Variants in CRYBG3 observed in about 807,000 individuals in gnomAD.
The protein encoded by CRYBG3 is crystallin beta-gamma domain containing 3, also known as very large A-kinase anchor protein.
Under a neutral mutation model 244.2 loss-of-function variants are expected in CRYBG3, and 127 were observed. The ratio of observed to expected loss-of-function variants is 0.52; its 90% confidence interval spans 0.45 to 0.60. The LOEUF (loss-of-function observed/expected upper bound fraction) is 0.60. Among genes scored for constraint, CRYBG3 ranks in the 20% least tolerant of loss-of-function variants. CRYBG3 has a pLI of 0.00. For missense variants in CRYBG3, 3,325 were observed against 3,442.5 expected, an observed-to-expected ratio of 0.97 and a Z score of 0.85; for synonymous variants, 1,132 against 1,195.8, an observed-to-expected ratio of 0.95 and a Z score of 1.10.
Position 97,864,401 on chromosome 3 carries a change from A to G in CRYBG3, c.401A>G (p.Lys134Arg), listed in dbSNP as rs2039194986. 3.9e-6 allele frequency: 6 copies of G among 1,535,948 alleles called. No individual in the cohort carries two copies. The highest frequency in any genetic ancestry group is 5.2e-6 in the Non-Finnish European group (6 of 1,146,782). ...FLGNLFNISG[K>R]SSLGEAKQSS... ...GGTAACTTATTCAATATCTCGGGGA[A>G]ATCATCTCTAGGTGAAGCTAAGCAG... Residue 134 changes from lysine to arginine, a missense_variant, in exon 3 of 22, where the codon AAA (lysine) becomes AGA (arginine). Coordinates refer to ENST00000389622, the MANE Select transcript of CRYBG3 (RefSeq NM_153605.4).
chr3:97,845,111 C>T (rs949177001), intron 2 of CRYBG3, among the ~76,000 whole-genome samples: 13 of 152,138 alleles, frequency 8.5e-5, no homozygotes, highest in African/African-American at 3.1e-4. Flanking sequence ...GGCATCATAA[C>T]AAATATGTAT....
At chr3:97,826,273 C>T (rs1474972934) in intron 1 of CRYBG3, among the ~76,000 whole-genome samples, 1 of 152,124 alleles carries the variant, frequency 6.6e-6, no homozygotes, top group Non-Finnish European at 1.5e-5. Flanking sequence ...CTATTTTTTG[C>T]TGTGAACATT....
At chr3:97,844,344 A>G (rs1466967121) in intron 2 of CRYBG3, among the ~76,000 whole-genome samples, 13 of 152,108 alleles carry the variant, frequency 8.5e-5, no homozygotes, top group Non-Finnish European at 1.9e-4. Context: ...TATGGGCTCT[A>G]TAGCTGCTGC....
chr3:97,897,137 G>A lies in CRYBG3; in HGVS notation c.7701+1052G>A, dbSNP rs1452457878. Among the ~76,000 whole-genome samples the A allele has an allele frequency of 5.3e-5, 8 of 151,426 alleles. No individual in the cohort carries two copies. The East Asian group carries it at 5.8e-4, about 11-fold the overall frequency. On this transcript the variant is annotated intron_variant, in intron 12 of 21. Coordinates refer to ENST00000389622, the MANE Select transcript of CRYBG3 (RefSeq NM_153605.4). ...TTAATTTTATATTTGCTTTTGTTGC[G>A]ATTTTCAGACTTTACGCCTCTTTTC...
At chr3:97,868,684 G>A (rs1257531648) in intron 3 of CRYBG3, among the ~76,000 whole-genome samples, 7 of 152,100 alleles carry the variant, frequency 4.6e-5, no homozygotes, top group Non-Finnish European at 8.8e-5. Flanking sequence ...TGCCTACCCT[G>A]CAAAGGACCC....
intron 1 of CRYBG3, chr3:97,836,842 T>C (rs1325995262): frequency 6.6e-6 from 1 of 152,164 alleles, no homozygotes; most frequent in East Asian, 1.9e-4. Flanking sequence ...ATACTAGTTT[T>C]GGTCTAAGTT....
At position 97,864,554 on chromosome 3, in the gene CRYBG3, CAGA is replaced by C. The variant is rs1345527957; in HGVS notation, c.559_561del (p.Glu187del). 6.5e-7 allele frequency: 1 copy of C among 1,535,846 alleles called. No homozygotes were observed. The highest frequency in any genetic ancestry group is 8.7e-7 in the Non-Finnish European group (1 of 1,146,716). On this transcript the variant is annotated inframe_deletion, in exon 3 of 22. Transcript: ENST00000389622. The stretch of plus-strand genomic sequence containing the variant: ...TCCCTAAGAACCCAGACACATCCAA[CAGA>C]AGAACAAGACTCTAACTCATCCGAA...
At chr3:97,837,718 G>T (rs1049559648) in intron 1 of CRYBG3, among the ~76,000 whole-genome samples, 24 of 152,122 alleles carry the variant, frequency 1.6e-4, no homozygotes, top group African/African-American at 5.6e-4. Context: ...ATATTTGGGG[G>T]TACTCTGAAT....
At chr3:97,907,616 G>A (rs1258230616) in intron 15 of CRYBG3, among the ~76,000 whole-genome samples, 8 of 145,944 alleles carry the variant, frequency 5.5e-5, no homozygotes, top group Non-Finnish European at 7.6e-5. Flanking sequence ...TTTTTATTGC[G>A]TCTATTTGAT....
intron 2 of CRYBG3, among the ~76,000 whole-genome samples, chr3:97,858,537 T>A (rs1028160121): frequency 6.6e-6 from 1 of 152,074 alleles, no homozygotes; most frequent in Non-Finnish European, 1.5e-5. Flanking sequence ...TATTTTCTGA[T>A]TGGATCATTT....
Position 97,830,639 on chromosome 3 carries a change from T to G in CRYBG3, c.149+8284T>G, listed in dbSNP as rs576548338. On this transcript the variant is annotated intron_variant, in intron 1 of 21. Transcript: ENST00000389622. ...ACTTGCACTCAGATTTCTGAAGACA[T>G]TTCTCTATTAGTCTTCTCTTTAATT... Among the ~76,000 whole-genome samples the G allele has an allele frequency of 5.9e-5, 9 of 152,342 alleles. No homozygotes were observed. In the South Asian group the frequency reaches 1.9e-3, roughly 32 times the overall value.
intron 10 of CRYBG3, 126 bp from the exon 11 acceptor site, chr3:97,892,734 T>C (rs2039594713): frequency 1.9e-6 from 1 of 535,476 alleles, no homozygotes; most frequent in South Asian, 4.0e-5. Context: ...CCATGAACTT[T>C]TTGAAATCTC....
At chr3:97,839,913 C>T (rs1267615836) in intron 1 of CRYBG3, among the ~76,000 whole-genome samples, 1 of 152,004 alleles carries the variant, frequency 6.6e-6, no homozygotes, top group East Asian at 1.9e-4. Context: ...ATTTGTCTAA[C>T]AAATAACTAT....
At chr3:97,907,443 A>G (rs2039791410) in intron 15 of CRYBG3, among the ~76,000 whole-genome samples, 1 of 151,468 alleles carries the variant, frequency 6.6e-6, no homozygotes, top group Non-Finnish European at 1.5e-5. Context: ...TGGTCTATTC[A>G]GAGATTCAAC....
Position 97,834,056 on chromosome 3 carries a change from A to G in CRYBG3, c.150-9139A>G, listed in dbSNP as rs889128619. Among the ~76,000 whole-genome samples the G allele has an allele frequency of 2.6e-5, 4 of 152,094 alleles. No homozygotes were observed. In the East Asian group the frequency reaches 7.7e-4, roughly 29 times the overall value. On this transcript the variant is annotated intron_variant, in intron 1 of 21. Coordinates refer to ENST00000389622, the MANE Select transcript of CRYBG3 (RefSeq NM_153605.4). Reference sequence around the variant, plus strand: ...CCAGGGAGGGCATTAATCTATTCCTAAGGGATTCACCCCCATGACCCAAAC... The same window carrying G: ...CCAGGGAGGGCATTAATCTATTCCTGAGGGATTCACCCCCATGACCCAAAC...
chr3:97,897,740 C>G (rs531618630), intron 12 of CRYBG3, among the ~76,000 whole-genome samples: 1 of 152,082 alleles, frequency 6.6e-6, no homozygotes, highest in South Asian at 2.1e-4. Flanking sequence ...TTTTTGCATA[C>G]AAGTTTCTCA....
chr3:97,911,924 T>C (rs1293359420), intron 15 of CRYBG3, among the ~76,000 whole-genome samples: 1 of 152,136 alleles, frequency 6.6e-6, no homozygotes, highest in Non-Finnish European at 1.5e-5. Context: ...CTTCCCACAA[T>C]TTGGTGGAAG....
chr3:97,861,647 A>T (rs9840258), intron 2 of CRYBG3, among the ~76,000 whole-genome samples: 1 of 151,876 alleles, frequency 6.6e-6, no homozygotes, highest in South Asian at 2.1e-4. Context: ...GAGAGCAACT[A>T]GAATGAACAT....
intron 2 of CRYBG3, among the ~76,000 whole-genome samples, chr3:97,851,281 C>T (rs914738277): frequency 1.1e-4 from 17 of 152,082 alleles, no homozygotes; most frequent in South Asian, 6.2e-4. Context: ...AAGTAATACG[C>T]GGCAGCCAGA....
Sources: allele counts gnomAD v4.1 joint callset (sites outside exome capture counted in the v4.1 genomes callset), GRCh38; gene constraint gnomAD v4.1.1; transcripts MANE v1.5; gene names NCBI Gene and HGNC (gene_info 2026-07-23, HGNC 2026-07-21).